The following IL1RAPL1 variants were observed in gnomAD, a reference collection of about 807,000 sequenced individuals.
IL1RAPL1 encodes interleukin-1 receptor accessory protein-like 1.
IL1RAPL1 carries 3 observed loss-of-function variants against 48.4 expected under a neutral mutation model. The observed-to-expected ratio is 0.06, with a 90% confidence interval of 0.03 to 0.16. IL1RAPL1 has a LOEUF of 0.16. Among genes scored for constraint, IL1RAPL1 ranks in the 10% least tolerant of loss-of-function variants. IL1RAPL1 has a pLI of 1.00. For missense variants in IL1RAPL1, 349 were observed against 530.6 expected, an observed-to-expected ratio of 0.66 and a Z score of 3.36; for synonymous variants, 185 against 187.7, an observed-to-expected ratio of 0.99 and a Z score of 0.12.
At position 29,028,667 on chromosome X, in the gene IL1RAPL1, T is replaced by C. The variant is rs113614976; in HGVS notation, c.82+239242T>C. Among the ~76,000 whole-genome samples the C allele has an allele frequency of 5.0e-3, 562 of 111,605 alleles. 4 individuals carry two copies. The highest frequency in any genetic ancestry group is 0.018 in the African/African-American group (544 of 30,724). On this transcript the variant is annotated intron_variant, in intron 2 of 10. Transcript: ENST00000378993. ...GTTGGCATATTTGTATTTCTGTCGC[T>C]GATTTTTTTCACTTAACACAATAAC...
intron 1 of IL1RAPL1, among the ~76,000 whole-genome samples, chrX:28,788,467 T>C (rs1218925499): frequency 1.8e-5 from 2 of 110,612 alleles, no homozygotes; most frequent in Non-Finnish European, 3.8e-5. Context: ...TGAGTGTTGT[T>C]TCTTCTTCTT....
rs1446172720 is a variant in IL1RAPL1 at position 28,761,911 on chromosome X, G to T, written c.-24-27409G>T. ...ACCTGGGTTTGAATCCTGGCTCTCCGGCTTACTAACAAGTTACCTTACATC... is the reference window on the plus strand; with the variant it reads ...ACCTGGGTTTGAATCCTGGCTCTCCTGCTTACTAACAAGTTACCTTACATC... On this transcript the variant is annotated intron_variant, in intron 1 of 10. Transcript: ENST00000378993. 4.5e-5 allele frequency among the ~76,000 whole-genome samples: 5 copies of T among 111,513 alleles called. No homozygotes were observed. The South Asian group carries it at 1.9e-3, about 42-fold the overall frequency.
At chrX:29,409,536 A>G (rs1934114408) in intron 5 of IL1RAPL1, among the ~76,000 whole-genome samples, 1 of 111,500 alleles carries the variant, frequency 9.0e-6, no homozygotes, top group Non-Finnish European at 1.9e-5. Flanking sequence ...TTTAATCTTA[A>G]TATACTAAAT....
intron 1 of IL1RAPL1, among the ~76,000 whole-genome samples, chrX:28,709,832 A>G (rs1189457852): frequency 9.0e-6 from 1 of 111,566 alleles, no homozygotes; most frequent in Non-Finnish European, 1.9e-5. Flanking sequence ...TTAAAATTTA[A>G]AAAGTACATG....
chrX:28,759,372 C>T (rs1396373101), intron 1 of IL1RAPL1, among the ~76,000 whole-genome samples: 1 of 111,321 alleles, frequency 9.0e-6, no homozygotes, highest in African/African-American at 3.3e-5. Flanking sequence ...GCAATACTAT[C>T]TGTCTTCCAT....
At chrX:28,859,994 T>C (rs373147972) in intron 2 of IL1RAPL1, among the ~76,000 whole-genome samples, 1 of 111,412 alleles carries the variant, frequency 9.0e-6, no homozygotes, top group East Asian at 2.8e-4. Flanking sequence ...AAGGTACCAC[T>C]CACTTCATAT....
At chrX:28,600,241 A>G (rs1934007243) in intron 1 of IL1RAPL1, among the ~76,000 whole-genome samples, 1 of 112,111 alleles carries the variant, frequency 8.9e-6, no homozygotes, top group South Asian at 3.7e-4. Flanking sequence ...GAAACTAAAT[A>G]CAATGGAGTA....
intron 1 of IL1RAPL1, among the ~76,000 whole-genome samples, chrX:28,712,942 C>T (rs1052851409): frequency 6.3e-5 from 7 of 111,683 alleles, no homozygotes; most frequent in East Asian, 2.8e-4. Flanking sequence ...AAATGTCCAT[C>T]GCTAAATAAT....
intron 5 of IL1RAPL1, among the ~76,000 whole-genome samples, chrX:29,505,254 G>C (rs1935315638): frequency 9.0e-6 from 1 of 111,468 alleles, no homozygotes; most frequent in African/African-American, 3.3e-5. Flanking sequence ...TGTCTTTTGG[G>C]CTTCATACTA....
At chrX:29,032,365 A>G (rs751189816) in intron 2 of IL1RAPL1, among the ~76,000 whole-genome samples, 14 of 112,257 alleles carry the variant, frequency 1.2e-4, no homozygotes, top group Non-Finnish European at 2.3e-4. Flanking sequence ...TCTTCTGTTC[A>G]TTTCCAGATC....
intron 2 of IL1RAPL1, among the ~76,000 whole-genome samples, chrX:29,176,659 C>G (rs144475644): frequency 9.0e-6 from 1 of 110,831 alleles, no homozygotes; most frequent in Non-Finnish European, 1.9e-5. Context: ...TCCATACTTA[C>G]GTCTGATGGT....
In IL1RAPL1 at chrX:29,039,175, A is replaced by T. The variant is rs190279963; in HGVS notation, c.83-243763A>T. On this transcript the variant is annotated intron_variant, in intron 2 of 10. Transcript: ENST00000378993. ...TTACATATTAAACTAGTATACATAG[A>T]TTCTGGAATAAACATGCCAGACTAC... 8.1e-5 allele frequency among the ~76,000 whole-genome samples: 9 copies of T among 111,687 alleles called. No homozygotes were observed. The East Asian group carries it at 2.5e-3, about 32-fold the overall frequency.
At chrX:28,597,904 A>G (rs768664335) in intron 1 of IL1RAPL1, among the ~76,000 whole-genome samples, 3 of 110,032 alleles carry the variant, frequency 2.7e-5, no homozygotes, top group Non-Finnish European at 5.7e-5. Context: ...CACACACTGT[A>G]GCAACAATGC....
chrX:28,765,403 A>G (rs1437527725), intron 1 of IL1RAPL1, among the ~76,000 whole-genome samples: 1 of 111,580 alleles, frequency 9.0e-6, no homozygotes, highest in Non-Finnish European at 1.9e-5. Context: ...ATAGTTTCCA[A>G]TGATTTTAAA....
intron 5 of IL1RAPL1, among the ~76,000 whole-genome samples, chrX:29,493,282 G>T (rs1261342804): frequency 8.9e-6 from 1 of 111,880 alleles, no homozygotes; most frequent in Non-Finnish European, 1.9e-5. Context: ...GGCAACTCTT[G>T]TTAACTAATT....
At chrX:29,848,672 A>G (rs766176879) in intron 6 of IL1RAPL1, among the ~76,000 whole-genome samples, 1 of 111,905 alleles carries the variant, frequency 8.9e-6, no homozygotes, top group South Asian at 3.8e-4. Context: ...CAAGTGTGAT[A>G]GAAATTATGA....
At chrX:28,875,076 C>G (rs746074846) in intron 2 of IL1RAPL1, among the ~76,000 whole-genome samples, 15 of 111,439 alleles carry the variant, frequency 1.3e-4, no homozygotes, top group Non-Finnish European at 2.6e-4. Flanking sequence ...TGTATTCAAC[C>G]TAGAAAACAA....
intron 2 of IL1RAPL1, among the ~76,000 whole-genome samples, chrX:29,182,698 C>T (rs1368300754): frequency 9.0e-6 from 1 of 110,923 alleles, no homozygotes; most frequent in African/African-American, 3.3e-5. Flanking sequence ...CATATGTGCC[C>T]TGTGGTAGGC....
intron 2 of IL1RAPL1, among the ~76,000 whole-genome samples, chrX:29,267,147 A>G (rs1365144130): frequency 1.8e-5 from 2 of 112,177 alleles, no homozygotes; most frequent in Non-Finnish European, 3.8e-5. Flanking sequence ...CACTATTCAC[A>G]GTGTTAACCT....
Sources: gnomAD v4.1 joint callset for allele counts (sites outside exome capture counted in the v4.1 genomes callset) on GRCh38, gnomAD v4.1.1 for gene constraint, MANE v1.5 for transcripts, NCBI Gene and HGNC (gene_info 2026-07-23, HGNC 2026-07-21) for gene names.